ERMARD: variants seen among roughly 807,000 people sequenced by gnomAD.
ERMARD encodes ER membrane associated RNA degradation, also known as endoplasmic reticulum membrane-associated RNA degradation protein.
A neutral mutation model predicts 83.9 loss-of-function variants in ERMARD; 71 were observed. The observed-to-expected ratio is 0.85, with a 90% CI of 0.70 to 1.03. The LOEUF (loss-of-function observed/expected upper bound fraction) is 1.03, where lower values mean the gene tolerates loss of function less well. Among genes scored for constraint, ERMARD ranks in the 50% least tolerant of loss-of-function variants. The probability of loss-of-function intolerance (pLI) is 0.00; values close to 1 mark genes in which losing one functional copy is unlikely to be tolerated. For missense variants in ERMARD, 838 were observed against 810.9 expected (o/e 1.03, Z -0.41); for synonymous variants, 284 against 298.6 (o/e 0.95, Z 0.50).
rs138384813 is a variant in ERMARD, at chr6:169,761,774, C to T, written c.858-655C>T. On this transcript the variant is annotated intron_variant, in intron 8 of 17. Transcript: ENST00000366773. ...CTCAGCTCACTGTATCCTCTGCCTC[C>T]TAGGTTCAAGTGATTCTTGTGCCTC... is the stretch of plus-strand genomic sequence containing the variant. Among the ~76,000 whole-genome samples, 1,426 of 152,192 alleles carry T rather than the reference C, an allele frequency of 9.4e-3. 17 individuals are homozygous for T. The highest frequency in any genetic ancestry group is 0.032 in the African/African-American group (1,328 of 41,538).
At chr6:169,752,795 A>G (rs1790308860) in intron 1 of ERMARD, among the ~76,000 whole-genome samples, 1 of 152,160 alleles carries the variant, frequency 6.6e-6, no homozygotes, top group Non-Finnish European at 1.5e-5. Flanking sequence ...GGTAATTGTG[A>G]GGATTTCGAT....
At chr6:169,777,320 T>G (rs1359071089) in intron 16 of ERMARD, among the ~76,000 whole-genome samples, 1 of 152,204 alleles carries the variant, frequency 6.6e-6, no homozygotes, top group Non-Finnish European at 1.5e-5. Flanking sequence ...GCAGAACTCT[T>G]TCAGGGTAAA....
chr6:169,781,079 GA>G (rs1304607467), intron 17 of ERMARD, among the ~76,000 whole-genome samples: 2 of 152,222 alleles, frequency 1.3e-5, no homozygotes, highest in Admixed American at 6.5e-5. Context: ...GGCTGGAGAA[GA>G]ATGCTTGAAA....
Position 169,754,038 on chromosome 6 carries a change from T to C in ERMARD, c.175+6T>C, listed in dbSNP as rs925852536. On this transcript the variant is annotated splice_donor_region_variant and intron_variant, in intron 2 of 17. Transcript: ENST00000366773. ...TGTGAGCTACACAGAGTCAGGTTTG[T>C]GCTGTCTTTGTACTCCAAACTTTCA... 2.5e-6 allele frequency: 4 copies of C among 1,604,978 alleles called. No individual in the cohort carries two copies. The Admixed American group carries it at 6.8e-5, about 27-fold the overall frequency.
chr6:169,758,978 T>C lies in ERMARD; in HGVS notation c.518T>C (p.Leu173Pro), dbSNP rs745705232. Residue 173 changes from leucine (L) to proline (P), a missense_variant, in exon 6 of 18, where the codon CTA becomes CCA. Coordinates refer to ENST00000366773, the MANE Select transcript of ERMARD (RefSeq NM_018341.3). ...QVFSQSVMNV[L>P]KVFVGSPCGL... ...TGATTTGCGGATTAGATGAATGTGC[T>C]AAAAGTCTTCGTTGGCTCTCCGTGT... is the stretch of plus-strand genomic sequence containing the variant. 7.4e-6 allele frequency: 12 copies of C among 1,613,904 alleles called. No individual in the cohort carries two copies.
In ERMARD at chr6:169,756,748, C is replaced by T. The variant is rs1318712470; in HGVS notation, c.447C>T (p.Pro149=). ...DVFLLIGKEC[P]FLLRDLLSSE... ...TTTTACTGATTGGGAAGGAATGCCCCTTTCTTTTAAGAGATCTGCTTTCAT... is the reference window on the plus strand; with the variant it reads ...TTTTACTGATTGGGAAGGAATGCCCTTTTCTTTTAAGAGATCTGCTTTCAT... The change falls in exon 5 of 18, where the codon CCC becomes CCT. Residue 149 remains proline (P), a synonymous_variant. Coordinates refer to ENST00000366773, the MANE Select transcript of ERMARD (RefSeq NM_018341.3). The T allele has an allele frequency of 6.2e-7, 1 of 1,614,022 alleles. No individual in the cohort carries two copies.
chr6:169,772,362 C>T (rs1793037101), intron 12 of ERMARD, among the ~76,000 whole-genome samples: 1 of 152,240 alleles, frequency 6.6e-6, no homozygotes, highest in South Asian at 2.1e-4. Flanking sequence ...GCCCAGCACA[C>T]TCCCTGGTGC....
At chr6:169,768,073 TA>T (rs1405849497) in intron 10 of ERMARD, 29 bp from the exon 11 acceptor site, 2 of 1,575,884 alleles carry the variant, frequency 1.3e-6, no homozygotes, top group East Asian at 4.5e-5. Context: ...GGGGACCAGT[TA>T]ACCAATGTAT....
At chr6:169,773,683 C>T (rs138804989) in intron 13 of ERMARD, among the ~76,000 whole-genome samples, 152 of 152,288 alleles carry the variant, frequency 1.0e-3, no homozygotes, top group African/African-American at 3.5e-3. Flanking sequence ...TGCTGAGTCC[C>T]CTGGCAGGCT....
chr6:169,760,056 C>T (rs1791339158), intron 7 of ERMARD, 82 bp downstream of exon 7: 1 of 1,577,716 alleles, frequency 6.3e-7, no homozygotes, highest in African/African-American at 1.4e-5. Flanking sequence ...GAGGTGCACT[C>T]TTGAGGTGGG....
At chr6:169,754,963 G>A (rs1472692705) in intron 2 of ERMARD, among the ~76,000 whole-genome samples, 2 of 151,766 alleles carry the variant, frequency 1.3e-5, no homozygotes, top group Non-Finnish European at 2.9e-5. Context: ...ATCAGGTTAC[G>A]AAATTACATA....
At chr6:169,779,510 T>C (rs1793968240) in intron 17 of ERMARD, among the ~76,000 whole-genome samples, 1 of 151,964 alleles carries the variant, frequency 6.6e-6, no homozygotes, top group African/African-American at 2.4e-5. Flanking sequence ...TTTGTTTTTT[T>C]TGGAGACAGA....
chr6:169,780,497 G>A (rs757170831), intron 17 of ERMARD, among the ~76,000 whole-genome samples: 2 of 152,378 alleles, frequency 1.3e-5, no homozygotes, highest in Admixed American at 6.5e-5. Flanking sequence ...ATTGTCATCA[G>A]TCAGAGTGAC....
At chr6:169,755,626 T>G in intron 3 of ERMARD, 2 of 582,392 alleles carry the variant, frequency 3.4e-6, no homozygotes, top group Non-Finnish European at 5.8e-6. Flanking sequence ...CACAGGAAGG[T>G]TTTGAATTCA....
Position 169,756,324 on chromosome 6 carries a change from T to C in ERMARD, c.316-14T>C, listed in dbSNP as rs1790808128. On this transcript the variant is annotated splice_polypyrimidine_tract_variant and intron_variant, in intron 3 of 17. Coordinates refer to ENST00000366773, the MANE Select transcript of ERMARD (RefSeq NM_018341.3). ...TCAGAGTGTACATCCTAATATGTGT[T>C]TTATTGTAAATAGTTATTTCCTGAA... 6.5e-7 allele frequency: 1 copy of C among 1,537,536 alleles called. No individual in the cohort carries two copies. The highest frequency in any genetic ancestry group is 1.4e-5 in the African/African-American group (1 of 72,954).
chr6:169,775,185 G>A (rs1186447675), intron 13 of ERMARD, 85 bp from the exon 14 acceptor site: 1 of 1,332,386 alleles, frequency 7.5e-7, no homozygotes, highest in African/African-American at 1.5e-5. Flanking sequence ...GTATTTTCTA[G>A]AGAGTGATGT....
Position 169,762,462 on chromosome 6 carries a change from A to T in ERMARD, c.891A>T (p.Gln297His). ...ACTGCGCCATATTGTTGCTGACACA[A>T]CTGGAGACTGGACTTAGGAATGTTT... ...FADCAILLLT[Q>H]LETGLRNVFA... The change falls in exon 9 of 18, where the codon CAA becomes CAT. Residue 297 changes from glutamine to histidine, a missense_variant. By Grantham distance (24) the Gln-to-His change is conservative. Transcript: ENST00000366773. The T allele has an allele frequency of 6.2e-7, 1 of 1,614,176 alleles. No individual in the cohort carries two copies. Among genetic ancestry groups the T allele is most frequent in the Non-Finnish European group, 8.5e-7 (1 of 1,180,030 alleles).
At chr6:169,751,842 C>CGGCCCTGCAAGACGCCTGGCG (rs1790142490) in intron 1 of ERMARD, 179 bp downstream of exon 1, 2 of 950,146 alleles carry the variant, frequency 2.1e-6, no homozygotes, top group Non-Finnish European at 1.5e-6. Context: ...ATCGGACGCT[C>CGGCCCTGCAAGACGCCTGGCG]GGCCCTGCAA....
Position 169,768,003 on chromosome 6 carries a change from A to G in ERMARD, c.991-100A>G, listed in dbSNP as rs916943330. On this transcript the variant is annotated intron_variant, in intron 10 of 17. Transcript: ENST00000366773. Reference sequence around the variant, plus strand: ...CATTTAATTTGCTTAGACCTTAGATAACAAGTTAGGCTAAAAGTACTATAT... The same window carrying G: ...CATTTAATTTGCTTAGACCTTAGATGACAAGTTAGGCTAAAAGTACTATAT... 3 of 927,706 alleles carry G rather than the reference A, an allele frequency of 3.2e-6. No homozygotes were observed. In the African/African-American group the frequency reaches 4.9e-5, roughly 15 times the overall value. The allele number at this position is 927,706 out of a possible 1,614,324, so 57.5% of individuals were successfully genotyped here. A position where few individuals can be genotyped will look rare whatever the true frequency, so the allele number is the denominator to read the frequency against.
Sources: gnomAD v4.1 joint callset for allele counts (sites outside exome capture counted in the v4.1 genomes callset) on GRCh38, gnomAD v4.1.1 for gene constraint, MANE v1.5 for transcripts, NCBI Gene and HGNC (gene_info 2026-07-23, HGNC 2026-07-21) for gene names.